MCCC1: variants seen among roughly 807,000 people sequenced by gnomAD.
The protein encoded by MCCC1 is methylcrotonoyl-CoA carboxylase subunit alpha, mitochondrial.
In MCCC1, 64 loss-of-function variants were observed where a neutral mutation model predicts 83.8. That is an observed-to-expected ratio of 0.76 (90% CI 0.62 to 0.94). The LOEUF is 0.94. Among genes scored for constraint, MCCC1 ranks in the 40% least tolerant of loss-of-function variants. The probability of loss-of-function intolerance (pLI) is 0.00; values close to 1 mark genes in which losing one functional copy is unlikely to be tolerated. For synonymous variants in MCCC1, 322 were observed against 315.4 expected (o/e 1.02, Z -0.22); for missense variants, 807 against 904.7 (o/e 0.89, Z 1.39).
chr3:183,025,950 T>C, intron 14 of MCCC1, 146 bp from the exon 15 acceptor site: 3 of 704,436 alleles, frequency 4.3e-6, no homozygotes. Context: ...GGAAATAAAG[T>C]ATTTTGTTAG....
intron 3 of MCCC1, among the ~76,000 whole-genome samples, chr3:183,091,897 T>G (rs544839757): frequency 7.9e-5 from 12 of 151,964 alleles, no homozygotes; most frequent in Middle Eastern, 6.8e-3. Context: ...AATTAGCCGG[T>G]CGTGGTGGAG....
At chr3:183,036,537 C>CTTTTTTTT (rs11411314) in intron 13 of MCCC1, among the ~76,000 whole-genome samples, 1 of 117,682 alleles carries the variant, frequency 8.5e-6, no homozygotes, top group African/African-American at 3.1e-5. Flanking sequence ...GATCCATTTC[C>CTTTTTTTT]TTTTTTTTTT....
At chr3:183,085,940 C>A (rs1275099985) in intron 4 of MCCC1, among the ~76,000 whole-genome samples, 1 of 152,188 alleles carries the variant, frequency 6.6e-6, no homozygotes, top group African/African-American at 2.4e-5. Context: ...ATTAAGCCCT[C>A]GGCAGCCAGG....
intron 8 of MCCC1, among the ~76,000 whole-genome samples, chr3:183,052,507 T>C (rs1478220869): frequency 1.3e-5 from 2 of 152,202 alleles, no homozygotes; most frequent in East Asian, 3.8e-4. Context: ...ACTGCCATTA[T>C]ACAAAAGTAT....
At chr3:183,055,667 T>TA (rs1324224264) in intron 8 of MCCC1, among the ~76,000 whole-genome samples, 1 of 151,910 alleles carries the variant, frequency 6.6e-6, no homozygotes, top group African/African-American at 2.4e-5. Flanking sequence ...AGGCTGAGGT[T>TA]AAAGGATCAC....
In MCCC1 at chr3:183,092,393, A is replaced by G. The variant is rs200518695; in HGVS notation, c.273+16T>C. 2 of 1,614,202 alleles carry G rather than the reference A, an allele frequency of 1.2e-6. No individual in the cohort carries two copies. On this transcript the variant is annotated intron_variant, in intron 3 of 18. Coordinates refer to ENST00000265594, the MANE Select transcript of MCCC1 (RefSeq NM_020166.5). The stretch of plus-strand genomic sequence containing the variant: ...CGAATAAACGTAAGACGTGGCTTCC[A>G]ATTTTTAACACATACCATATCTACA...
chr3:183,045,280 A>G, intron 10 of MCCC1, 133 bp downstream of exon 10: 15 of 1,011,376 alleles, frequency 1.5e-5, no homozygotes, highest in Non-Finnish European at 2.2e-5. Flanking sequence ...GGGTTTCACC[A>G]CATTGGCCAG....
intron 1 of MCCC1, among the ~76,000 whole-genome samples, chr3:183,105,037 G>T (rs561841215): frequency 1.3e-5 from 2 of 152,316 alleles, no homozygotes; most frequent in East Asian, 1.9e-4. Flanking sequence ...ACTGATTAAA[G>T]AAACTAATTA....
chr3:183,037,537 CTT>C, intron 12 of MCCC1, 103 bp from the exon 13 acceptor site: 1 of 1,019,238 alleles, frequency 9.8e-7, no homozygotes, highest in Non-Finnish European at 1.5e-6. Flanking sequence ...GTGAACAACT[CTT>C]AGGAAAAATA....
intron 1 of MCCC1, among the ~76,000 whole-genome samples, chr3:183,114,294 C>CT (rs920980425): frequency 2.0e-5 from 3 of 151,974 alleles, no homozygotes; most frequent in Non-Finnish European, 2.9e-5. Context: ...TTTAACTAGA[C>CT]CCCCCGCCCC....
At chr3:183,070,492 TG>T (rs941660169) in intron 7 of MCCC1, among the ~76,000 whole-genome samples, 20 of 152,206 alleles carry the variant, frequency 1.3e-4, no homozygotes, top group African/African-American at 4.3e-4. Context: ...CCCAGCACTT[TG>T]GGAGGCTGAG....
At chr3:183,024,701 C>T (rs1436072772) in intron 15 of MCCC1, among the ~76,000 whole-genome samples, 1 of 151,860 alleles carries the variant, frequency 6.6e-6, no homozygotes, top group Non-Finnish European at 1.5e-5. Context: ...GTTGATGGGA[C>T]TGTAAACTGC....
At chr3:183,104,046 G>C (rs1236012797), upstream of MCCC1, among the ~76,000 whole-genome samples, 3 of 152,164 alleles carry the variant, frequency 2.0e-5, no homozygotes, top group Non-Finnish European at 4.4e-5. Flanking sequence ...CCGAGTGCGA[G>C]GCCCACCAAG....
chr3:183,085,576 C>T (rs1017277857), intron 4 of MCCC1, among the ~76,000 whole-genome samples: 3 of 148,134 alleles, frequency 2.0e-5, no homozygotes, highest in Non-Finnish European at 3.0e-5. Flanking sequence ...CTGCAGCGAG[C>T]CATGATTGTG....
intron 10 of MCCC1, 61 bp from the exon 11 acceptor site, chr3:183,041,811 A>C (rs2108479738): frequency 6.3e-7 from 1 of 1,581,686 alleles, no homozygotes; most frequent in Non-Finnish European, 8.7e-7. Context: ...GACTTAGTAA[A>C]TCAATGGTCT....
intron 7 of MCCC1, among the ~76,000 whole-genome samples, chr3:183,058,646 C>T (rs1391904077): frequency 1.3e-5 from 2 of 152,068 alleles, no homozygotes; most frequent in East Asian, 3.9e-4. Flanking sequence ...AAAACAACAA[C>T]AACCAACAAA....
At chr3:183,067,964 C>T (rs1023351406) in intron 7 of MCCC1, among the ~76,000 whole-genome samples, 19 of 152,066 alleles carry the variant, frequency 1.2e-4, no homozygotes, top group African/African-American at 3.1e-4. Context: ...CTCAACATAC[C>T]GATGCTTTCT....
chr3:183,044,601 C>T (rs1478099095), intron 10 of MCCC1, among the ~76,000 whole-genome samples: 7 of 152,088 alleles, frequency 4.6e-5, no homozygotes, highest in African/African-American at 1.4e-4. Flanking sequence ...TAGTATCTGC[C>T]CTGATCTGAA....
intron 1 of MCCC1, among the ~76,000 whole-genome samples, chr3:183,112,229 A>G (rs1439444885): frequency 6.6e-6 from 1 of 152,192 alleles, no homozygotes; most frequent in African/African-American, 2.4e-5. Context: ...GTCAATTAAG[A>G]TGTTTTTGCC....
Sources: gnomAD v4.1 joint callset for allele counts (sites outside exome capture counted in the v4.1 genomes callset) on GRCh38, gnomAD v4.1.1 for gene constraint, MANE v1.5 for transcripts, NCBI Gene and HGNC (gene_info 2026-07-23, HGNC 2026-07-21) for gene names.